The following ST3GAL3 variants were observed in gnomAD, a reference collection of about 807,000 sequenced individuals.
ST3GAL3 encodes the protein CMP-N-acetylneuraminate-beta-1,4-galactoside alpha-2,3-sialyltransferase.
A neutral mutation model predicts 50.1 loss-of-function variants in ST3GAL3; 21 were observed. The observed-to-expected ratio is 0.42, with a 90% CI of 0.30 to 0.60. The LOEUF (loss-of-function observed/expected upper bound fraction) is 0.60, where lower values mean the gene tolerates loss of function less well. ST3GAL3 is among the 20% of genes least tolerant of loss of function. The probability of loss-of-function intolerance (pLI) is 0.19; values close to 1 mark genes in which losing one functional copy is unlikely to be tolerated. For synonymous variants in ST3GAL3, 183 were observed against 190.0 expected (o/e 0.96, Z 0.30); for missense variants, 353 against 489.4 (o/e 0.72, Z 2.63).
At chr1:43,903,810 T>A (rs1262430781) in intron 9 of ST3GAL3, among the ~76,000 whole-genome samples, 1 of 152,204 alleles carries the variant, frequency 6.6e-6, no homozygotes, top group Non-Finnish European at 1.5e-5. Flanking sequence ...GGGTTTAAGT[T>A]TAGACTCTCA....
chr1:43,836,666 G>A (rs908192220), intron 4 of ST3GAL3, among the ~76,000 whole-genome samples: 16 of 152,354 alleles, frequency 1.1e-4, no homozygotes, highest in African/African-American at 3.1e-4. Flanking sequence ...GGGTGGGGGT[G>A]GAGGAGGTGG....
intron 3 of ST3GAL3, among the ~76,000 whole-genome samples, chr1:43,803,739 G>A (rs1331918074): frequency 1.3e-5 from 2 of 152,146 alleles, no homozygotes; most frequent in South Asian, 2.1e-4. Context: ...CCTTTAAGGC[G>A]GCAATGGAAG....
intron 7 of ST3GAL3, 124 bp downstream of exon 7, chr1:43,898,422 G>A (rs1033006336): frequency 1.0e-6 from 1 of 971,690 alleles, no homozygotes; most frequent in Non-Finnish European, 1.6e-6. Flanking sequence ...TGCACATACA[G>A]TACACACACA....
intron 2 of ST3GAL3, among the ~76,000 whole-genome samples, chr1:43,775,389 A>G (rs1696820000): frequency 6.6e-6 from 1 of 151,848 alleles, no homozygotes; most frequent in Admixed American, 6.6e-5. Context: ...GCCCACCACA[A>G]TGCCTGGCTA....
rs144263012 is a variant in ST3GAL3 at position 43,920,441 on chromosome 1, G to A, written c.782G>A (p.Arg261Gln). ...GGCTTCTGGAAATCTGTGGCCACTC[G>A]AGTGCCCAAGGAGCCCCCTGAGATT... ...SDGFWKSVAT[R>Q]VPKEPPEIRI... The change falls in exon 10 of 12, where the codon CGA becomes CAA. Residue 261 changes from arginine to glutamine, a missense_variant. Coordinates refer to ENST00000347631, the MANE Select transcript of ST3GAL3 (RefSeq NM_006279.5). 87 of 1,614,078 alleles carry A rather than the reference G, an allele frequency of 5.4e-5. No individual in the cohort carries two copies. Among genetic ancestry groups the A allele is most frequent in the Middle Eastern group, 3.3e-4 (2 of 6,062 alleles).
At chr1:43,807,757 T>C (rs951691167) in intron 3 of ST3GAL3, among the ~76,000 whole-genome samples, 3 of 152,182 alleles carry the variant, frequency 2.0e-5, no homozygotes, top group African/African-American at 7.2e-5. Flanking sequence ...GAGATCCATT[T>C]AGAACATGGA....
At chr1:43,862,745 CAAAAAAAAA>C (rs749080973) in intron 5 of ST3GAL3, among the ~76,000 whole-genome samples, 3 of 104,408 alleles carry the variant, frequency 2.9e-5, no homozygotes, top group East Asian at 2.7e-4. Context: ...CTGTCTCTAC[CAAAAAAAAA>C]AAAAAAAAAA....
At chr1:43,926,322 C>G (rs937690357) in intron 11 of ST3GAL3, among the ~76,000 whole-genome samples, 10 of 152,222 alleles carry the variant, frequency 6.6e-5, no homozygotes, top group Non-Finnish European at 1.3e-4. Context: ...GGCGCGGTCC[C>G]TCACGCCTGT....
chr1:43,789,877 T>TA (rs11440181), intron 2 of ST3GAL3, among the ~76,000 whole-genome samples: 118,698 of 145,724 alleles, frequency 0.81, 48,679 homozygotes, highest in East Asian at 0.88. Flanking sequence ...CTGGCTCTAT[T>TA]AAAAAAAAAA....
At chr1:43,722,732 A>C (rs1274192501) in intron 1 of ST3GAL3, among the ~76,000 whole-genome samples, 2 of 152,158 alleles carry the variant, frequency 1.3e-5, no homozygotes, top group Non-Finnish European at 2.9e-5. Context: ...GCTAATTTCC[A>C]GGTTTCTTAC....
intron 2 of ST3GAL3, among the ~76,000 whole-genome samples, chr1:43,756,849 G>A (rs116107070): frequency 2.6e-5 from 4 of 152,194 alleles, no homozygotes; most frequent in Non-Finnish European, 4.4e-5. Flanking sequence ...TATTGAAATC[G>A]ACATACCATG....
chr1:43,907,086 C>T (rs1051126030), intron 9 of ST3GAL3, among the ~76,000 whole-genome samples: 5 of 152,154 alleles, frequency 3.3e-5, no homozygotes, highest in African/African-American at 1.2e-4. Flanking sequence ...AGGCCCTGGA[C>T]GATGTGGTTT....
chr1:43,741,466 T>C (rs528490350), intron 2 of ST3GAL3, among the ~76,000 whole-genome samples: 14 of 152,366 alleles, frequency 9.2e-5, no homozygotes, highest in African/African-American at 2.6e-4. Flanking sequence ...AATTATAAAG[T>C]ACACATTGTT....
At chr1:43,782,213 T>C (rs1387945658) in intron 2 of ST3GAL3, among the ~76,000 whole-genome samples, 1 of 152,190 alleles carries the variant, frequency 6.6e-6, no homozygotes, top group Non-Finnish European at 1.5e-5. Flanking sequence ...TTGTATTCTG[T>C]GGTAGTATTT....
chr1:43,848,594 C>G (rs2367804), intron 5 of ST3GAL3, among the ~76,000 whole-genome samples: 10 of 151,840 alleles, frequency 6.6e-5, no homozygotes, highest in Admixed American at 3.3e-4. Context: ...TGTGAGCCAC[C>G]GTGCCTGGCT....
intron 4 of ST3GAL3, among the ~76,000 whole-genome samples, chr1:43,830,680 C>T (rs189559539): frequency 6.6e-6 from 1 of 152,194 alleles, no homozygotes; most frequent in Non-Finnish European, 1.5e-5. Flanking sequence ...GAGATATAGC[C>T]CTTCCACTGG....
At chr1:43,903,835 A>G (rs764276374) in intron 9 of ST3GAL3, among the ~76,000 whole-genome samples, 2 of 152,164 alleles carry the variant, frequency 1.3e-5, no homozygotes, top group Non-Finnish European at 2.9e-5. Flanking sequence ...TTAGTGGGCT[A>G]CCTTAGGCAC....
intron 2 of ST3GAL3, among the ~76,000 whole-genome samples, chr1:43,768,158 G>T (rs980261659): frequency 6.6e-6 from 1 of 152,130 alleles, no homozygotes. Context: ...ACAAATGCTG[G>T]GCACAGTGGC....
intron 9 of ST3GAL3, among the ~76,000 whole-genome samples, chr1:43,915,487 A>C (rs2081632445): frequency 6.6e-6 from 1 of 152,206 alleles, no homozygotes; most frequent in Non-Finnish European, 1.5e-5. Context: ...GCAGATCTGA[A>C]GTTAAATCCT....
Sources: gnomAD v4.1 joint callset for allele counts (sites outside exome capture counted in the v4.1 genomes callset) on GRCh38, gnomAD v4.1.1 for gene constraint, MANE v1.5 for transcripts, NCBI Gene and HGNC (gene_info 2026-07-23, HGNC 2026-07-21) for gene names.